The following DOCK3 variants were observed in gnomAD, a reference collection of about 807,000 sequenced individuals.
DOCK3 encodes the protein dedicator of cytokinesis 3.
DOCK3 carries 60 observed loss-of-function variants against 265.6 expected under a neutral mutation model. The ratio of observed to expected loss-of-function variants is 0.23; its 90% CI spans 0.18 to 0.28. The LOEUF (loss-of-function observed/expected upper bound fraction) is 0.28. Ranked by LOEUF, DOCK3 falls within the 10% of genes least tolerant of loss-of-function variation. The pLI is 1.00. For missense variants in DOCK3, 1,981 were observed against 2,594.3 expected, an observed-to-expected ratio of 0.76 and a Z score of 5.14; for synonymous variants, 881 against 938.0, an observed-to-expected ratio of 0.94 and a Z score of 1.11.
chr3:51,326,342 C>T (rs951787320), intron 32 of DOCK3, among the ~76,000 whole-genome samples: 7 of 151,620 alleles, frequency 4.6e-5, no homozygotes, highest in African/African-American at 1.7e-4. Context: ...CTCACTGCAA[C>T]CTCTGCCTCC....
intron 1 of DOCK3, among the ~76,000 whole-genome samples, chr3:50,683,829 G>T (rs1034456573): frequency 8.6e-5 from 1 of 11,566 alleles, no homozygotes; most frequent in Non-Finnish European, 2.3e-4. Flanking sequence ...TCCCCTCCCC[G>T]CTCTCCTCCC....
intron 10 of DOCK3, among the ~76,000 whole-genome samples, chr3:51,154,499 G>A (rs1433896971): frequency 6.6e-6 from 1 of 152,192 alleles, no homozygotes; most frequent in African/African-American, 2.4e-5. Context: ...TGAAGTGAGA[G>A]TTCCTGAACA....
rs929712397 is a variant in DOCK3 at position 50,890,064 on chromosome 3, A to T, written c.201A>T (p.Ala67=). ...CAAATTACATTCACTTGAAAAAGGC[A>T]ATTGTCAGTAATAGGGGGTGAGTAA... ...FPANYIHLKK[A]IVSNRGQYET... Residue 67 remains alanine (A), a synonymous_variant, in exon 4 of 53, where the codon GCA becomes GCT. Transcript: ENST00000266037. The T allele has an allele frequency of 9.8e-6, 14 of 1,429,732 alleles. No homozygotes were observed. Among genetic ancestry groups the T allele is most frequent in the Non-Finnish European group, 1.3e-5 (14 of 1,100,764 alleles). 88.6% of individuals were successfully genotyped at this position (1,429,732 alleles called of 1,614,324 possible).
At chr3:51,180,369 C>T (rs1272635998) in intron 12 of DOCK3, among the ~76,000 whole-genome samples, 1 of 152,136 alleles carries the variant, frequency 6.6e-6, no homozygotes, top group Non-Finnish European at 1.5e-5. Flanking sequence ...CTTAAAACAA[C>T]AGAAATTCAT....
At chr3:51,320,051 A>T (rs2083601755) in intron 32 of DOCK3, among the ~76,000 whole-genome samples, 1 of 151,748 alleles carries the variant, frequency 6.6e-6, no homozygotes, top group African/African-American at 2.4e-5. Flanking sequence ...AAATAGGAAC[A>T]GCTCTGGTCT....
chr3:50,943,942 GATGAA>G (rs1559845947), intron 5 of DOCK3, among the ~76,000 whole-genome samples: 2 of 152,194 alleles, frequency 1.3e-5, no homozygotes, highest in South Asian at 4.1e-4. Context: ...AGTTGTTAGA[GATGAA>G]ATGAAAAAAC....
chr3:51,379,230 T>C (rs2088399907), intron 51 of DOCK3, among the ~76,000 whole-genome samples: 1 of 152,204 alleles, frequency 6.6e-6, no homozygotes, highest in South Asian at 2.1e-4. Flanking sequence ...AGACATAAAC[T>C]CACTCTGTTG....
intron 3 of DOCK3, among the ~76,000 whole-genome samples, chr3:50,872,169 C>T (rs2047461999): frequency 6.6e-6 from 1 of 152,152 alleles, no homozygotes; most frequent in South Asian, 2.1e-4. Flanking sequence ...ATTTGTTGAG[C>T]TTGTTTGTCT....
At chr3:51,147,237 A>G (rs910819015) in intron 10 of DOCK3, among the ~76,000 whole-genome samples, 1 of 152,228 alleles carries the variant, frequency 6.6e-6, no homozygotes, top group African/African-American at 2.4e-5. Context: ...GGTATCCACC[A>G]AGTTTACAGC....
rs565782493 is a variant in DOCK3, at chr3:50,907,639, C to A, written c.218+17558C>A. On this transcript the variant is annotated intron_variant, in intron 4 of 52. Coordinates refer to ENST00000266037, the MANE Select transcript of DOCK3 (RefSeq NM_004947.5). The stretch of plus-strand genomic sequence containing the variant: ...TCCTCCATCCCTTTATTTTGAGCCT[C>A]TGTGTGTCTCTGCACATGAGATGAG... Among the ~76,000 whole-genome samples the A allele has an allele frequency of 1.9e-3, 296 of 152,130 alleles. 1 individual carries two copies. The highest frequency in any genetic ancestry group is 2.7e-3 in the Non-Finnish European group (181 of 67,964).
intron 5 of DOCK3, among the ~76,000 whole-genome samples, chr3:51,016,547 TTATATATATCA>T (rs1172999725): frequency 6.3e-5 from 1 of 15,830 alleles, no homozygotes; most frequent in Non-Finnish European, 8.7e-5. Context: ...ATATATATAT[TTATATATATCA>T]TATATTATAT....
chr3:50,812,274 G>A (rs921337569), intron 2 of DOCK3, among the ~76,000 whole-genome samples: 1 of 152,184 alleles, frequency 6.6e-6, no homozygotes, highest in African/African-American at 2.4e-5. Flanking sequence ...CCTCCAACGT[G>A]CAAGTCCACT....
chr3:51,034,580 T>A (rs567227665), intron 5 of DOCK3, among the ~76,000 whole-genome samples: 5 of 152,214 alleles, frequency 3.3e-5, no homozygotes, highest in Non-Finnish European at 7.4e-5. Context: ...TCTTTATATA[T>A]CATGATTCCT....
chr3:50,806,441 A>G (rs2043422212), intron 2 of DOCK3, among the ~76,000 whole-genome samples: 1 of 151,542 alleles, frequency 6.6e-6, no homozygotes, highest in Admixed American at 6.6e-5. Context: ...TTGGGTGGGA[A>G]TGCTGTGGCC....
chr3:51,376,783 C>T (rs1249046992), intron 51 of DOCK3, among the ~76,000 whole-genome samples: 4 of 152,216 alleles, frequency 2.6e-5, no homozygotes, highest in Non-Finnish European at 5.9e-5. Context: ...TGTTATGCTC[C>T]GCCTTTGCTC....
At chr3:51,352,216 A>C (rs1361445452) in intron 40 of DOCK3, among the ~76,000 whole-genome samples, 1 of 152,350 alleles carries the variant, frequency 6.6e-6, no homozygotes, top group East Asian at 1.9e-4. Flanking sequence ...TTATCTTTTC[A>C]AATTATGCTT....
At chr3:51,270,394 G>A (rs1268559677) in intron 23 of DOCK3, among the ~76,000 whole-genome samples, 1 of 152,214 alleles carries the variant, frequency 6.6e-6, no homozygotes, top group Non-Finnish European at 1.5e-5. Flanking sequence ...GCTGCTTGAA[G>A]GAACTCAGCT....
chr3:51,253,786 C>G (rs2079393771), intron 22 of DOCK3, among the ~76,000 whole-genome samples: 1 of 152,068 alleles, frequency 6.6e-6, no homozygotes, highest in Non-Finnish European at 1.5e-5. Flanking sequence ...AGTGGTCCAT[C>G]AATTTTGTTG....
intron 6 of DOCK3, among the ~76,000 whole-genome samples, chr3:51,074,543 G>A (rs2081988511): frequency 6.6e-6 from 1 of 152,084 alleles, no homozygotes; most frequent in Non-Finnish European, 1.5e-5. Flanking sequence ...AAATATTGGT[G>A]CTAATACATA....
Sources: allele counts gnomAD v4.1 joint callset (sites outside exome capture counted in the v4.1 genomes callset), GRCh38; gene constraint gnomAD v4.1.1; transcripts MANE v1.5; gene names NCBI Gene and HGNC (gene_info 2026-07-23, HGNC 2026-07-21).